The following LRP2 variants were observed in gnomAD, a reference collection of about 807,000 sequenced individuals.
LRP2 encodes low-density lipoprotein receptor-related protein 2.
A neutral mutation model predicts 531.0 loss-of-function variants in LRP2; 172 were observed. The ratio of observed to expected loss-of-function variants is 0.32; its 90% CI spans 0.29 to 0.37. The LOEUF (loss-of-function observed/expected upper bound fraction) is 0.37. Ranked by LOEUF, LRP2 falls within the 10% of genes least tolerant of loss-of-function variation. The pLI is 1.00. For missense variants in LRP2, 5,167 were observed against 5,868.3 expected (o/e 0.88, Z 3.90); for synonymous variants, 1,992 against 2,027.6 (o/e 0.98, Z 0.47).
chr2:169,246,412 G>A (rs528809107), intron 21 of LRP2, among the ~76,000 whole-genome samples: 1 of 151,876 alleles, frequency 6.6e-6, no homozygotes, highest in Non-Finnish European at 1.5e-5. Flanking sequence ...AGTTTATTTC[G>A]ATTTGACTTT....
intron 21 of LRP2, among the ~76,000 whole-genome samples, chr2:169,246,270 T>C (rs1690000513): frequency 6.6e-6 from 1 of 152,186 alleles, no homozygotes; most frequent in African/African-American, 2.4e-5. Context: ...TGTATACATG[T>C]GCCATTTTAT....
At chr2:169,265,159 T>C (rs997790074) in intron 16 of LRP2, among the ~76,000 whole-genome samples, 1 of 151,450 alleles carries the variant, frequency 6.6e-6, no homozygotes, top group Non-Finnish European at 1.5e-5. Context: ...TGAAGGCATC[T>C]ATGGAGGAGA....
intron 67 of LRP2, among the ~76,000 whole-genome samples, chr2:169,151,469 AC>A (rs1171697060): frequency 6.6e-6 from 1 of 152,080 alleles, no homozygotes; most frequent in East Asian, 1.9e-4. Flanking sequence ...GTCATAAGGC[AC>A]GGTGGGGCTG....
At chr2:169,276,712 A>T (rs1683565106) in intron 13 of LRP2, among the ~76,000 whole-genome samples, 1 of 152,234 alleles carries the variant, frequency 6.6e-6, no homozygotes, top group Non-Finnish European at 1.5e-5. Context: ...AAACAATAAA[A>T]TCAAGTCATT....
chr2:169,358,688 T>C (rs1049667933), intron 1 of LRP2, among the ~76,000 whole-genome samples: 8 of 152,132 alleles, frequency 5.3e-5, no homozygotes, highest in East Asian at 1.9e-4. Flanking sequence ...CACATTTTTA[T>C]TGGATTAAAG....
chr2:169,278,927 A>AG lies in LRP2; in HGVS notation c.1565+444dup, dbSNP rs1214400811. 3.1e-4 allele frequency among the ~76,000 whole-genome samples: 47 copies of AG among 152,378 alleles called. No homozygotes were observed. The Middle Eastern group carries it at 0.014, about 44-fold the overall frequency. ...GATATCTCAATCCCAGCCTGTATCAAGAAAGTTCTGAAAGGAATAGTTCCA... is the reference window on the plus strand; with the variant it reads ...GATATCTCAATCCCAGCCTGTATCAAGGAAAGTTCTGAAAGGAATAGTTCCA... On this transcript the variant is annotated intron_variant, in intron 12 of 78. Coordinates refer to ENST00000649046, the MANE Select transcript of LRP2 (RefSeq NM_004525.3).
intron 24 of LRP2, among the ~76,000 whole-genome samples, chr2:169,242,476 T>C (rs886160149): frequency 6.6e-6 from 1 of 152,238 alleles, no homozygotes; most frequent in Non-Finnish European, 1.5e-5. Flanking sequence ...TTGCCTTCTA[T>C]AATCTCCATA....
At chr2:169,233,915 A>C (rs1159205024) in intron 29 of LRP2, among the ~76,000 whole-genome samples, 2 of 152,176 alleles carry the variant, frequency 1.3e-5, no homozygotes, top group South Asian at 2.1e-4. Context: ...ACTAGTTAAA[A>C]GTTAGATGGA....
chr2:169,130,761 A>T (rs746654246), intron 77 of LRP2, among the ~76,000 whole-genome samples: 9 of 152,228 alleles, frequency 5.9e-5, no homozygotes, highest in Non-Finnish European at 1.2e-4. Context: ...ATCCCTGGAC[A>T]TAACATGGAA....
At chr2:169,278,496 T>A (rs928899758) in intron 12 of LRP2, among the ~76,000 whole-genome samples, 11 of 151,878 alleles carry the variant, frequency 7.2e-5, no homozygotes, top group South Asian at 4.2e-4. Context: ...AAAAAAAAAA[T>A]TCATATTCAC....
intron 1 of LRP2, among the ~76,000 whole-genome samples, chr2:169,331,521 A>AC (rs1685267520): frequency 6.6e-6 from 1 of 152,116 alleles, no homozygotes; most frequent in East Asian, 1.9e-4. Flanking sequence ...AACCTTCCCT[A>AC]CACGTGGAAG....
intron 29 of LRP2, 40 bp downstream of exon 29, chr2:169,235,800 G>T (rs1252367844): frequency 5.5e-6 from 8 of 1,453,926 alleles, no homozygotes; most frequent in East Asian, 4.5e-5. Flanking sequence ...ACCTATCCAC[G>T]ACTGTAGTTT....
At chr2:169,282,000 G>A (rs1683717264) in intron 10 of LRP2, among the ~76,000 whole-genome samples, 1 of 152,068 alleles carries the variant, frequency 6.6e-6, no homozygotes, top group Admixed American at 6.5e-5. Context: ...TAGTTATGGA[G>A]GAAGGCATTT....
chr2:169,175,167 AAG>A, intron 55 of LRP2, 24 bp downstream of exon 55: 2 of 1,611,034 alleles, frequency 1.2e-6, no homozygotes, highest in Middle Eastern at 1.7e-4. Flanking sequence ...AAGTCGGAAA[AAG>A]AGGCATAAAG....
intron 38 of LRP2, among the ~76,000 whole-genome samples, chr2:169,208,676 C>T (rs777606398): frequency 7.2e-5 from 11 of 152,038 alleles, no homozygotes; most frequent in Non-Finnish European, 1.2e-4. Context: ...AGGCTGGTCT[C>T]AAACTCTTGA....
rs1438738609 is a variant in LRP2 at position 169,241,042 on chromosome 2, C to G, written c.3991G>C (p.Val1331Leu). The G allele has an allele frequency of 6.2e-7, 1 of 1,614,148 alleles. No homozygotes were observed. Among genetic ancestry groups the G allele is most frequent in the East Asian group, 2.2e-5 (1 of 44,888 alleles). ...GGGCAGTCAAAGATGCCATCACACA[C>G]TACACTCAGATTCACACAGATGTTA... is the stretch of plus-strand genomic sequence containing the variant. ...GHNICVNLSV[V>L]CDGIFDCPNG... Residue 1331 changes from valine (V) to leucine (L), a missense_variant, in exon 25 of 79, where the codon GTG (valine) becomes CTG (leucine). Val to Leu is a conservative substitution (Grantham distance 32). This residue lies in a region of LRP2 where 2,811 missense variants were observed against 3,058.0 expected (regional missense o/e 0.92). Transcript: ENST00000649046.
In LRP2 at chr2:169,152,816, T is replaced by C; in HGVS notation, c.12444A>G (p.Ala4148=). ...AAATTTACCTTCCAACCCAGTCCAC[T>C]GCTATTCCATCTGGCTGCATTACGT... ...LKYVMQPDGI[A]VDWVGRHIYW... The change falls in exon 67 of 79, where the codon GCA becomes GCG. Residue 4148 remains alanine (A), a synonymous_variant. Coordinates refer to ENST00000649046, the MANE Select transcript of LRP2 (RefSeq NM_004525.3). 6.2e-7 allele frequency: 1 copy of C among 1,614,066 alleles called. No individual in the cohort carries two copies. The highest frequency in any genetic ancestry group is 1.1e-5 in the South Asian group (1 of 91,090).
chr2:169,262,957 C>T (rs1420252752), intron 16 of LRP2, among the ~76,000 whole-genome samples: 1 of 152,158 alleles, frequency 6.6e-6, no homozygotes, highest in Non-Finnish European at 1.5e-5. Flanking sequence ...CTACAACTAT[C>T]TGATCTTTGA....
At chr2:169,139,792 C>A in intron 72 of LRP2, 182 bp from the exon 73 acceptor site, 1 of 683,972 alleles carries the variant, frequency 1.5e-6, no homozygotes, top group Non-Finnish European at 2.6e-6. Context: ...GAACAGTGCT[C>A]TGATTTTAGA....
Sources: allele counts gnomAD v4.1 joint callset (sites outside exome capture counted in the v4.1 genomes callset), GRCh38; gene constraint gnomAD v4.1.1; regional missense constraint gnomAD v4.1.1; transcripts MANE v1.5; gene names NCBI Gene and HGNC (gene_info 2026-07-23, HGNC 2026-07-21).